PALS1: variants seen among roughly 807,000 people sequenced by gnomAD.
PALS1 encodes protein PALS1.
In PALS1, 31 loss-of-function variants were observed where a neutral mutation model predicts 78.9. That is an observed-to-expected ratio of 0.39 (90% CI 0.30 to 0.53). The LOEUF (loss-of-function observed/expected upper bound fraction) is 0.53. PALS1 is among the 20% of genes least tolerant of loss of function. The pLI, the probability that PALS1 is intolerant of heterozygous loss-of-function variation, is 0.67. For synonymous variants in PALS1, 276 were observed against 270.9 expected (o/e 1.02, Z -0.18); for missense variants, 704 against 826.5 (o/e 0.85, Z 1.82).
chr14:67,328,601 C>A (rs1281945503), intron 14 of PALS1, among the ~76,000 whole-genome samples: 2 of 152,074 alleles, frequency 1.3e-5, no homozygotes, highest in Admixed American at 6.6e-5. Context: ...TAGGGTTTTT[C>A]TGGTTTTAGG....
At chr14:67,303,161 G>A (rs2084952823) in intron 7 of PALS1, among the ~76,000 whole-genome samples, 1 of 152,164 alleles carries the variant, frequency 6.6e-6, no homozygotes, top group Non-Finnish European at 1.5e-5. Context: ...TCCATCATTG[G>A]AGAAAGTTCT....
chr14:67,295,313 G>C (rs1043088353), intron 4 of PALS1, among the ~76,000 whole-genome samples: 3 of 151,300 alleles, frequency 2.0e-5, no homozygotes, highest in African/African-American at 7.3e-5. Context: ...GGTGAAACCT[G>C]GTCTCTACTA....
At position 67,333,027 on chromosome 14, in the gene PALS1, C is replaced by G; in HGVS notation, c.*71C>G. The G allele has an allele frequency of 1.5e-6, 2 of 1,346,350 alleles. No homozygotes were observed. The highest frequency in any genetic ancestry group is 4.7e-5 in the East Asian group (2 of 42,948). The allele number at this position is 1,346,350 out of a possible 1,614,324, so 83.4% of individuals were successfully genotyped here. ...CTGCCAATAGGAGGACTGCCCGACA[C>G]TGCAGCAAGATTGAGGATAAGATGG... On this transcript the variant is annotated 3_prime_UTR_variant, in exon 15 of 15. Coordinates refer to ENST00000261681, the MANE Select transcript of PALS1 (RefSeq NM_022474.4).
chr14:67,315,159 C>T (rs993433259), intron 9 of PALS1, among the ~76,000 whole-genome samples: 1 of 151,480 alleles, frequency 6.6e-6, no homozygotes, highest in Admixed American at 6.6e-5. Flanking sequence ...ATAGTTCATA[C>T]TACAAAAAGT....
chr14:67,292,559 T>G lies in PALS1; in HGVS notation c.416T>G (p.Val139Gly). Residue 139 changes from valine to glycine, a missense_variant, in exon 4 of 15, where the codon GTA becomes GGA. Transcript: ENST00000261681. ...SSLKHIQHTL[V>G]DSQSQEDISL... ...CTTAAACATATCCAACATACTTTGG[T>G]AGATTCTCAGAGCCAGGAGGATATT... 2.5e-6 allele frequency: 4 copies of G among 1,613,520 alleles called. No individual in the cohort carries two copies. Among genetic ancestry groups the G allele is most frequent in the Non-Finnish European group, 2.5e-6 (3 of 1,179,546 alleles).
intron 2 of PALS1, among the ~76,000 whole-genome samples, chr14:67,278,340 TC>T (rs1265173219): frequency 2.7e-5 from 4 of 149,028 alleles, no homozygotes; most frequent in African/African-American, 1.0e-4. Flanking sequence ...CCGGCCCAAT[TC>T]TTTTTTTTTT....
intron 3 of PALS1, among the ~76,000 whole-genome samples, chr14:67,286,363 G>C (rs1320803421): frequency 1.3e-5 from 2 of 152,092 alleles, no homozygotes; most frequent in African/African-American, 4.8e-5. Flanking sequence ...TCTGTCCTCT[G>C]TCTTCTCTTT....
chr14:67,247,980 G>T (rs905949891), intron 1 of PALS1, among the ~76,000 whole-genome samples: 3 of 152,050 alleles, frequency 2.0e-5, no homozygotes, highest in Admixed American at 1.3e-4. Flanking sequence ...GGTTAAGGAG[G>T]TTTTCTTCTG....
At chr14:67,275,049 A>G (rs1295607848) in intron 2 of PALS1, among the ~76,000 whole-genome samples, 4 of 152,214 alleles carry the variant, frequency 2.6e-5, no homozygotes, top group East Asian at 3.9e-4. Context: ...TAAATAGACA[A>G]TCATGTCATC....
intron 4 of PALS1, among the ~76,000 whole-genome samples, chr14:67,296,869 G>T (rs933831526): frequency 1.3e-5 from 2 of 151,942 alleles, no homozygotes; most frequent in African/African-American, 2.4e-5. Context: ...TGAATAGCTG[G>T]GACTCAAACT....
At chr14:67,289,727 G>C (rs2084744113) in intron 3 of PALS1, among the ~76,000 whole-genome samples, 1 of 150,208 alleles carries the variant, frequency 6.7e-6, no homozygotes. Context: ...TATAAGAAGA[G>C]AGCTGACAAA....
At chr14:67,264,926 G>A (rs2084297069) in intron 1 of PALS1, among the ~76,000 whole-genome samples, 1 of 151,944 alleles carries the variant, frequency 6.6e-6, no homozygotes, top group Non-Finnish European at 1.5e-5. Flanking sequence ...AGAATTGTCA[G>A]GAATCATATT....
intron 8 of PALS1, among the ~76,000 whole-genome samples, chr14:67,304,819 CT>C (rs1325826406): frequency 6.6e-6 from 1 of 152,040 alleles, no homozygotes; most frequent in African/African-American, 2.4e-5. Context: ...AAAAATGAAA[CT>C]TTAAAGTGTT....
chr14:67,241,688 C>T (rs1164356807), intron 1 of PALS1, 155 bp downstream of exon 1: 3 of 152,282 alleles, frequency 2.0e-5, no homozygotes, highest in Non-Finnish European at 4.4e-5. Flanking sequence ...AGGCGGGCTT[C>T]CTCAGGCGCG....
chr14:67,296,095 G>T (rs528210994), intron 4 of PALS1, among the ~76,000 whole-genome samples: 2 of 152,142 alleles, frequency 1.3e-5, no homozygotes, highest in Admixed American at 1.3e-4. Context: ...TGTTTTGGGA[G>T]GATGGGAAGG....
chr14:67,278,775 A>G (rs1393145027), intron 2 of PALS1, among the ~76,000 whole-genome samples: 1 of 151,902 alleles, frequency 6.6e-6, no homozygotes, highest in Non-Finnish European at 1.5e-5. Flanking sequence ...ATTGTATATC[A>G]TTTTTCTTAG....
At chr14:67,307,743 G>A (rs1258743399) in intron 8 of PALS1, among the ~76,000 whole-genome samples, 2 of 151,970 alleles carry the variant, frequency 1.3e-5, no homozygotes, top group Admixed American at 6.6e-5. Context: ...TGAACTTTAA[G>A]AGTTAAAGAT....
intron 11 of PALS1, among the ~76,000 whole-genome samples, chr14:67,319,057 C>CAAA (rs367594842): frequency 8.8e-6 from 1 of 114,022 alleles, no homozygotes; most frequent in Non-Finnish European, 2.0e-5. Flanking sequence ...GACTCCGTCT[C>CAAA]AAAAAAAAAA....
intron 1 of PALS1, among the ~76,000 whole-genome samples, chr14:67,259,172 G>T (rs1220561103): frequency 6.6e-6 from 1 of 151,556 alleles, no homozygotes; most frequent in Admixed American, 6.6e-5. Flanking sequence ...GTCATAAATG[G>T]TACCCTGAAT....
Sources: gnomAD v4.1 joint callset for allele counts (sites outside exome capture counted in the v4.1 genomes callset) on GRCh38, gnomAD v4.1.1 for gene constraint, MANE v1.5 for transcripts, NCBI Gene and HGNC (gene_info 2026-07-23, HGNC 2026-07-21) for gene names.